Variants in COL4A1 observed in about 807,000 individuals in gnomAD.
COL4A1 encodes collagen type IV alpha 1 chain, also known as collagen alpha-1(IV) chain.
Under a neutral mutation model 216.6 loss-of-function variants are expected in COL4A1, and 40 were observed. The ratio of observed to expected loss-of-function variants is 0.18; its 90% CI spans 0.14 to 0.24. The LOEUF (loss-of-function observed/expected upper bound fraction) is 0.24. Among genes scored for constraint, COL4A1 ranks in the 10% least tolerant of loss-of-function variants. The probability of loss-of-function intolerance (pLI) is 1.00; values close to 1 mark genes in which losing one functional copy is unlikely to be tolerated. For missense variants in COL4A1, 1,628 were observed against 2,196.8 expected (o/e 0.74, Z 5.18); for synonymous variants, 839 against 810.7 (o/e 1.03, Z -0.59).
At position 110,209,097 on chromosome 13, in the gene COL4A1, C is replaced by T. The variant is rs9559744; in HGVS notation, c.652-207G>A. Among the ~76,000 whole-genome samples, 60,602 of 151,888 alleles carry T rather than the reference C, an allele frequency of 0.4. 12,570 individuals are homozygous for T. The highest frequency in any genetic ancestry group is 0.49 in the African/African-American group (20,354 of 41,398). ...TTAAAGTATGACTGATCAAAAATTC[C>T]AAAGACCTTTTTAAAAATTTACAGT... On this transcript the variant is annotated intron_variant, in intron 11 of 51. Transcript: ENST00000375820.
intron 1 of COL4A1, among the ~76,000 whole-genome samples, chr13:110,275,411 C>T (rs933509647): frequency 6.6e-6 from 1 of 152,098 alleles, no homozygotes; most frequent in Non-Finnish European, 1.5e-5. Flanking sequence ...TACTAAGTGC[C>T]GGTGAGGGTG....
At chr13:110,237,696 G>C (rs1281450115) in intron 2 of COL4A1, among the ~76,000 whole-genome samples, 1 of 152,184 alleles carries the variant, frequency 6.6e-6, no homozygotes, top group African/African-American at 2.4e-5. Context: ...ACACTCACAA[G>C]CCAGGATTTT....
At chr13:110,203,878 G>T (rs1879364355) in intron 17 of COL4A1, among the ~76,000 whole-genome samples, 1 of 152,216 alleles carries the variant, frequency 6.6e-6, no homozygotes, top group Non-Finnish European at 1.5e-5. Flanking sequence ...CCAGATACTT[G>T]TCCCATCAAC....
At chr13:110,209,917 T>C in intron 10 of COL4A1, 63 bp downstream of exon 10, 1 of 1,550,914 alleles carries the variant, frequency 6.4e-7, no homozygotes, top group Non-Finnish European at 8.9e-7. Flanking sequence ...ATTATTTATT[T>C]TCAAACCTCA....
Position 110,218,793 on chromosome 13 carries a change from G to A in COL4A1, c.145-4778C>T, listed in dbSNP as rs568084532. On this transcript the variant is annotated intron_variant, in intron 2 of 51. Transcript: ENST00000375820. ...CGTTCGGGACCACGATGGCCCTGCTGCTGCTTTCTGTCATCTAGCGCCTCG... is the reference window on the plus strand; with the variant it reads ...CGTTCGGGACCACGATGGCCCTGCTACTGCTTTCTGTCATCTAGCGCCTCG... 1.1e-4 allele frequency among the ~76,000 whole-genome samples: 17 copies of A among 152,312 alleles called. No individual in the cohort carries two copies. In the East Asian group the frequency reaches 2.7e-3, roughly 24 times the overall value.
intron 26 of COL4A1, among the ~76,000 whole-genome samples, chr13:110,184,280 G>C (rs1878306321): frequency 6.6e-6 from 1 of 152,174 alleles, no homozygotes; most frequent in Non-Finnish European, 1.5e-5. Context: ...TACTCCAGTT[G>C]GTTTCTCTGA....
chr13:110,206,079 G>A (rs373429924), intron 15 of COL4A1, among the ~76,000 whole-genome samples: 2 of 152,174 alleles, frequency 1.3e-5, no homozygotes, highest in African/African-American at 4.8e-5. Flanking sequence ...AGCAGAGTCC[G>A]ATGAGCTACA....
chr13:110,181,010 A>G (rs549988422), intron 29 of COL4A1, among the ~76,000 whole-genome samples: 50 of 152,346 alleles, frequency 3.3e-4, no homozygotes, highest in Admixed American at 2.9e-3. Context: ...AGTAAGAAAC[A>G]TATTTTACCC....
intron 19 of COL4A1, 92 bp downstream of exon 19, chr13:110,201,322 AGGAGGAAGGAGGAGGAGGAACAGG>A: frequency 1.8e-6 from 1 of 564,684 alleles, no homozygotes; most frequent in African/African-American, 2.3e-5. Context: ...AAGGAGGGGG[AGGAGGAAGGAGGAGGAGGAACAGG>A]AGGAGGAGGA....
chr13:110,258,532 T>G (rs1280556387), intron 1 of COL4A1, among the ~76,000 whole-genome samples: 2 of 152,108 alleles, frequency 1.3e-5, no homozygotes, highest in African/African-American at 2.4e-5. Context: ...AGAGTGAGAC[T>G]TCATCTCAAA....
At chr13:110,221,257 C>A (rs1246523972) in intron 2 of COL4A1, among the ~76,000 whole-genome samples, 1 of 152,138 alleles carries the variant, frequency 6.6e-6, no homozygotes, top group Non-Finnish European at 1.5e-5. Flanking sequence ...TCTGATAGAT[C>A]CACATTTACA....
chr13:110,213,740 C>T lies in COL4A1; in HGVS notation c.279+42G>A, dbSNP rs1879932571. The T allele has an allele frequency of 2.5e-6, 4 of 1,604,394 alleles. No homozygotes were observed. The South Asian group carries it at 4.4e-5, about 18-fold the overall frequency. ...GCCCGGCTCTGGAAGCGGGCCTGTCCCACGCATGGAATCATCGATTGTGAG... is the reference window on the plus strand; with the variant it reads ...GCCCGGCTCTGGAAGCGGGCCTGTCTCACGCATGGAATCATCGATTGTGAG... On this transcript the variant is annotated intron_variant, in intron 4 of 51. Coordinates refer to ENST00000375820, the MANE Select transcript of COL4A1 (RefSeq NM_001845.6).
intron 2 of COL4A1, among the ~76,000 whole-genome samples, chr13:110,236,664 G>C (rs1172877365): frequency 3.9e-5 from 6 of 152,150 alleles, no homozygotes; most frequent in Non-Finnish European, 8.8e-5. Context: ...TTCAAACAGA[G>C]GAAGGAGCTC....
At chr13:110,209,168 T>TC (rs1879654371) in intron 11 of COL4A1, among the ~76,000 whole-genome samples, 2 of 151,538 alleles carry the variant, frequency 1.3e-5, no homozygotes, top group Non-Finnish European at 2.9e-5. Flanking sequence ...TCAGTGTGAT[T>TC]CCAAAGTATT....
At chr13:110,289,715 C>T (rs2139310048) in intron 1 of COL4A1, among the ~76,000 whole-genome samples, 1 of 152,334 alleles carries the variant, frequency 6.6e-6, no homozygotes, top group East Asian at 1.9e-4. Flanking sequence ...ATACCCACAG[C>T]CACCTTCAGG....
intron 4 of COL4A1, among the ~76,000 whole-genome samples, chr13:110,212,963 T>C (rs532953397): frequency 1.3e-4 from 20 of 152,342 alleles, no homozygotes; most frequent in African/African-American, 4.6e-4. Flanking sequence ...TGATGTCTTT[T>C]GCAGCAACTT....
At chr13:110,150,471 T>C (rs757363389) in intron 51 of COL4A1, 27 bp from the exon 52 acceptor site, 14 of 1,607,798 alleles carry the variant, frequency 8.7e-6, no homozygotes, top group South Asian at 7.7e-5. Flanking sequence ...AGACAGACCA[T>C]TGGCCATCAT....
At chr13:110,295,995 A>C (rs1884260827) in intron 1 of COL4A1, among the ~76,000 whole-genome samples, 1 of 152,242 alleles carries the variant, frequency 6.6e-6, no homozygotes, top group Admixed American at 6.5e-5. Flanking sequence ...AGTGCTGGCT[A>C]ACTTCAGCCC....
At chr13:110,258,924 T>C (rs1459145143) in intron 1 of COL4A1, among the ~76,000 whole-genome samples, 2 of 152,260 alleles carry the variant, frequency 1.3e-5, no homozygotes, top group Non-Finnish European at 2.9e-5. Flanking sequence ...GTATGATAGA[T>C]ATATGCAGCC....
Sources: allele counts gnomAD v4.1 joint callset (sites outside exome capture counted in the v4.1 genomes callset), GRCh38; gene constraint gnomAD v4.1.1; transcripts MANE v1.5; gene names NCBI Gene and HGNC (gene_info 2026-07-23, HGNC 2026-07-21).